PYHIN1: variants seen among roughly 807,000 people sequenced by gnomAD.
PYHIN1 encodes pyrin and HIN domain family member 1.
In PYHIN1, 32 loss-of-function variants were observed where a neutral mutation model predicts 43.7. The ratio of observed to expected loss-of-function variants is 0.73; its 90% CI spans 0.55 to 0.98. PYHIN1 has a LOEUF of 0.98. PYHIN1 is among the 50% of genes least tolerant of loss of function. The pLI, the probability that PYHIN1 is intolerant of heterozygous loss-of-function variation, is 0.00. For missense variants in PYHIN1, 588 were observed against 589.5 expected, an observed-to-expected ratio of 1.00 and a Z score of 0.03; for synonymous variants, 205 against 203.1, an observed-to-expected ratio of 1.01 and a Z score of -0.08.
At chr1:158,934,224 C>T (rs775537299) in intron 1 of PYHIN1, among the ~76,000 whole-genome samples, 11 of 152,144 alleles carry the variant, frequency 7.2e-5, no homozygotes, top group Non-Finnish European at 1.5e-4. Context: ...ACTAATATTT[C>T]AGCATCAAAA....
At chr1:158,966,694 C>T (rs1378350326) in intron 7 of PYHIN1, among the ~76,000 whole-genome samples, 2 of 152,080 alleles carry the variant, frequency 1.3e-5, no homozygotes, top group East Asian at 3.9e-4. Context: ...ATACTCTAGA[C>T]ATTGAATGAA....
At chr1:158,973,010 G>A (rs889049561) in intron 7 of PYHIN1, among the ~76,000 whole-genome samples, 2 of 152,064 alleles carry the variant, frequency 1.3e-5, no homozygotes, top group African/African-American at 2.4e-5. Context: ...CAGTAAGTTG[G>A]ACTGTGTAGT....
At chr1:158,955,317 C>T (rs1229963388) in intron 7 of PYHIN1, among the ~76,000 whole-genome samples, 1 of 151,276 alleles carries the variant, frequency 6.6e-6, no homozygotes, top group African/African-American at 2.4e-5. Context: ...CAGCACCACA[C>T]CACACCTATT....
At chr1:158,973,591 AC>A (rs111393631) in intron 7 of PYHIN1, 55 bp from the exon 8 acceptor site, 107 of 1,598,768 alleles carry the variant, frequency 6.7e-5, no homozygotes, top group African/African-American at 3.5e-4. Context: ...AGCAGAAAAA[AC>A]CAGTTCTTTC....
chr1:158,955,313 C>T (rs1268420606), intron 7 of PYHIN1, among the ~76,000 whole-genome samples: 1 of 151,360 alleles, frequency 6.6e-6, no homozygotes, highest in Non-Finnish European at 1.5e-5. Flanking sequence ...TTTTCAGCAC[C>T]ACACCACACC....
chr1:158,965,709 C>T, intron 7 of PYHIN1, among the ~76,000 whole-genome samples: 1 of 151,962 alleles, frequency 6.6e-6, no homozygotes, highest in East Asian at 1.9e-4. Flanking sequence ...AGATAAAATA[C>T]ATCAGAATCT....
At chr1:158,948,392 GTGT>G (rs1286169156) in intron 7 of PYHIN1, among the ~76,000 whole-genome samples, 1 of 152,118 alleles carries the variant, frequency 6.6e-6, no homozygotes, top group Non-Finnish European at 1.5e-5. Context: ...TTTCCCAGAG[GTGT>G]TGTTTCACCT....
intron 7 of PYHIN1, among the ~76,000 whole-genome samples, chr1:158,972,528 TGGA>T (rs1650992305): frequency 6.6e-6 from 1 of 151,788 alleles, no homozygotes; most frequent in Non-Finnish European, 1.5e-5. Context: ...AGAGAAAGAG[TGGA>T]GGAGAGTACA....
the PYHIN1 span, among the ~76,000 whole-genome samples, chr1:158,984,039 T>TTG: frequency 6.6e-6 from 1 of 150,390 alleles, no homozygotes; most frequent in East Asian, 1.9e-4. Context: ...TTTTTTTTTT[T>TTG]TTTTTTGTAT....
At chr1:158,971,978 A>G (rs1045779894) in intron 7 of PYHIN1, among the ~76,000 whole-genome samples, 2 of 152,072 alleles carry the variant, frequency 1.3e-5, no homozygotes, top group African/African-American at 4.8e-5. Context: ...AAAGAAAAAA[A>G]TAAATTAAAA....
At chr1:158,953,197 G>C (rs540241499) in intron 7 of PYHIN1, among the ~76,000 whole-genome samples, 1 of 18,158 alleles carries the variant, frequency 5.5e-5, no homozygotes, top group African/African-American at 6.0e-5. Context: ...CATTGCCCAG[G>C]CTTATTAGGT....
the PYHIN1 span, among the ~76,000 whole-genome samples, chr1:158,984,649 A>T: frequency 6.6e-6 from 1 of 152,138 alleles, no homozygotes; most frequent in African/African-American, 2.4e-5. Flanking sequence ...AATGTTCCTT[A>T]TATGTCTGTT....
intron 3 of PYHIN1, 53 bp from the exon 4 acceptor site, chr1:158,939,027 T>C (rs910423630): frequency 7.4e-7 from 1 of 1,354,292 alleles, no homozygotes; most frequent in Non-Finnish European, 1.0e-6. Context: ...GAAAATGTGC[T>C]CTGCTTCATT....
intron 7 of PYHIN1, among the ~76,000 whole-genome samples, chr1:158,964,788 T>G (rs1015566498): frequency 6.6e-6 from 1 of 152,006 alleles, no homozygotes; most frequent in Non-Finnish European, 1.5e-5. Flanking sequence ...GAAACACAAT[T>G]AAGTACACAG....
chr1:158,969,337 C>T (rs72704948), intron 7 of PYHIN1, among the ~76,000 whole-genome samples: 15,200 of 151,848 alleles, frequency 0.1, 925 homozygotes, highest in Non-Finnish European at 0.12. Context: ...AATCAGATGC[C>T]TATATCTTCA....
At position 158,936,990 on chromosome 1, in the gene PYHIN1, CCTTA is replaced by C; in HGVS notation, c.83_86del (p.Leu28Ter). The C allele has an allele frequency of 6.2e-7, 1 of 1,613,250 alleles. No homozygotes were observed. The highest frequency in any genetic ancestry group is 8.5e-7 in the Non-Finnish European group (1 of 1,179,342). Reference sequence around the variant, plus strand: ...GATTATCATTTTAGAATTGTTAAGTCCTTACTGAGTAACGATTTAAAACTTAATC... The same window carrying C: ...GATTATCATTTTAGAATTGTTAAGTCCTGAGTAACGATTTAAAACTTAATC... On this transcript the variant is annotated frameshift_variant, in exon 2 of 9. Coordinates refer to ENST00000368140, the MANE Select transcript of PYHIN1 (RefSeq NM_152501.5). LOFTEE classifies it high-confidence loss of function.
downstream of PYHIN1, among the ~76,000 whole-genome samples, chr1:158,980,409 G>A (rs7514635): frequency 0.42 from 63,654 of 151,980 alleles, 14,302 homozygotes; most frequent in East Asian, 0.55. Context: ...AAAACGAGCC[G>A]TATTTTTCTT....
At chr1:158,944,230 G>A (rs1450511242) in intron 6 of PYHIN1, among the ~76,000 whole-genome samples, 5 of 152,132 alleles carry the variant, frequency 3.3e-5, no homozygotes, top group African/African-American at 9.7e-5. Flanking sequence ...AGGAGGCCAC[G>A]GGCCTAATTG....
chr1:158,937,939 C>T (rs1648660580), intron 2 of PYHIN1, among the ~76,000 whole-genome samples: 1 of 137,426 alleles, frequency 7.3e-6, no homozygotes, highest in African/African-American at 2.6e-5. Context: ...AGCGAGACTC[C>T]GTCTCAAAAA....
Sources: gnomAD v4.1 joint callset for allele counts (sites outside exome capture counted in the v4.1 genomes callset) on GRCh38, gnomAD v4.1.1 for gene constraint, MANE v1.5 for transcripts, NCBI Gene and HGNC (gene_info 2026-07-23, HGNC 2026-07-21) for gene names.